The following ARAP2 variants were observed in gnomAD, a reference collection of about 807,000 sequenced individuals.
The protein encoded by ARAP2 is arf-GAP with Rho-GAP domain, ANK repeat and PH domain-containing protein 2.
Under a neutral mutation model 194.5 loss-of-function variants are expected in ARAP2, and 148 were observed. That is an observed-to-expected ratio of 0.76 (90% CI 0.67 to 0.87). ARAP2 has a LOEUF of 0.87. Among genes scored for constraint, ARAP2 ranks in the 40% least tolerant of loss-of-function variants. The probability of loss-of-function intolerance (pLI) is 0.00; values close to 1 mark genes in which losing one functional copy is unlikely to be tolerated. For missense variants in ARAP2, 2,128 were observed against 1,989.7 expected (o/e 1.07, Z -1.32); for synonymous variants, 695 against 683.5 (o/e 1.02, Z -0.26).
chr4:36,059,714 T>C (rs1324036847), intron 1 of ARAP2, among the ~76,000 whole-genome samples: 1 of 152,088 alleles, frequency 6.6e-6, no homozygotes, highest in Non-Finnish European at 1.5e-5. Flanking sequence ...TGTGAGGAAA[T>C]AGGAAAACCA....
At chr4:36,079,697 C>T (rs997965562) in intron 31 of ARAP2, among the ~76,000 whole-genome samples, 1 of 152,136 alleles carries the variant, frequency 6.6e-6, no homozygotes, top group Non-Finnish European at 1.5e-5. Context: ...AACAACCAAA[C>T]ATTTGTTTTA....
At chr4:36,139,440 A>C (rs1387493091) in intron 19 of ARAP2, among the ~76,000 whole-genome samples, 2 of 151,704 alleles carry the variant, frequency 1.3e-5, no homozygotes, top group Non-Finnish European at 3.0e-5. Flanking sequence ...TTTTCCAAAA[A>C]AAGTTAAAAA....
At chr4:36,103,081 C>CT (rs1012862343) in intron 27 of ARAP2, among the ~76,000 whole-genome samples, 19 of 150,670 alleles carry the variant, frequency 1.3e-4, no homozygotes, top group Non-Finnish European at 1.8e-4. Context: ...CTGAAATTGT[C>CT]TTTTTTTTTA....
chr4:36,034,825 T>C (rs1019382841), intron 5 of ARAP2, among the ~76,000 whole-genome samples: 21 of 152,174 alleles, frequency 1.4e-4, no homozygotes, highest in African/African-American at 3.9e-4. Context: ...TCGAAAACCT[T>C]TTCTGCACCT....
intron 8 of ARAP2, among the ~76,000 whole-genome samples, chr4:36,185,046 G>T (rs552243317): frequency 1.3e-5 from 2 of 152,154 alleles, no homozygotes; most frequent in Non-Finnish European, 2.9e-5. Context: ...TGAAAATTCA[G>T]ATAGTAAACA....
Position 36,228,707 on chromosome 4 carries a change from T to C in ARAP2, c.780A>G (p.Pro260=). The change falls in exon 2 of 33, where the codon CCA becomes CCG. Residue 260 remains proline, a synonymous_variant. Transcript: ENST00000303965. The part of the protein sequence containing the change: ...GEMIVNDLYV[P]SSPILAPVRS... ...TCACAGGTGCTAGGATTGGTGATGATGGAACATACAAGTCATTTACAATCA... is the reference window on the plus strand; with the variant it reads ...TCACAGGTGCTAGGATTGGTGATGACGGAACATACAAGTCATTTACAATCA... The C allele has an allele frequency of 1.2e-6, 2 of 1,614,122 alleles. No homozygotes were observed. The highest frequency in any genetic ancestry group is 2.2e-5 in the East Asian group (1 of 44,870).
intron 2 of ARAP2, among the ~76,000 whole-genome samples, chr4:36,223,342 T>C (rs1749563927): frequency 6.6e-6 from 1 of 152,280 alleles, no homozygotes; most frequent in African/African-American, 2.4e-5. Flanking sequence ...TTGTTACTAC[T>C]TTCCCTATGT....
intron 1 of ARAP2, among the ~76,000 whole-genome samples, chr4:36,060,757 T>G (rs1724290950): frequency 6.6e-6 from 1 of 152,184 alleles, no homozygotes; most frequent in African/African-American, 2.4e-5. Flanking sequence ...ACACTCTCCT[T>G]GTTTCCTCAC....
At chr4:36,164,664 G>C (rs1734854415) in intron 11 of ARAP2, among the ~76,000 whole-genome samples, 1 of 152,090 alleles carries the variant, frequency 6.6e-6, no homozygotes, top group African/African-American at 2.4e-5. Flanking sequence ...TTTCAACACT[G>C]TCTTTTTAAA....
chr4:36,177,587 T>C (rs897399719), intron 9 of ARAP2, among the ~76,000 whole-genome samples: 2 of 152,114 alleles, frequency 1.3e-5, no homozygotes, highest in African/African-American at 4.8e-5. Context: ...TTTTCAATAA[T>C]TTTACTTCCT....
chr4:36,151,827 T>C (rs1424393782), intron 15 of ARAP2, among the ~76,000 whole-genome samples: 2 of 152,108 alleles, frequency 1.3e-5, no homozygotes, highest in Non-Finnish European at 2.9e-5. Flanking sequence ...CATAGGCATA[T>C]ATATACACAT....
rs753759927 is a variant in ARAP2, at chr4:36,228,792, C to T, written c.695G>A (p.Gly232Glu). Reference sequence around the variant, plus strand: ...TGATCCTTCTAATAAACCATTTGTTCCATTTCCAGAATTTGTTCCTGATGT... The same window carrying T: ...TGATCCTTCTAATAAACCATTTGTTTCATTTCCAGAATTTGTTCCTGATGT... ...CSTSGTNSGN[G>E]TNGLLEGSPP... Residue 232 changes from glycine (G) to glutamate (E), a missense_variant, in exon 2 of 33, where the codon GGA (glycine) becomes GAA (glutamate). Coordinates refer to ENST00000303965, the MANE Select transcript of ARAP2 (RefSeq NM_015230.4). 3 of 1,613,952 alleles carry T rather than the reference C, an allele frequency of 1.9e-6. No individual in the cohort carries two copies. Among genetic ancestry groups the T allele is most frequent in the Admixed American group, 1.7e-5 (1 of 59,990 alleles).
intron 28 of ARAP2, among the ~76,000 whole-genome samples, chr4:36,090,203 C>T (rs999194877): frequency 1.3e-5 from 2 of 151,944 alleles, no homozygotes; most frequent in Admixed American, 1.3e-4. Context: ...CAGACTAAAC[C>T]AGGAAGAAAC....
At chr4:36,132,294 C>T (rs1725627787) in intron 20 of ARAP2, among the ~76,000 whole-genome samples, 1 of 151,702 alleles carries the variant, frequency 6.6e-6, no homozygotes, top group South Asian at 2.1e-4. Context: ...ACTAATAACA[C>T]AATGCTTTAC....
At chr4:36,172,980 C>A (rs950304072) in intron 9 of ARAP2, among the ~76,000 whole-genome samples, 2 of 152,110 alleles carry the variant, frequency 1.3e-5, no homozygotes, top group Admixed American at 1.3e-4. Context: ...CATGCCAGAA[C>A]ACCAGGGAAC....
chr4:36,014,272 A>G (rs901879994), intron 8 of ARAP2, among the ~76,000 whole-genome samples: 1 of 145,472 alleles, frequency 6.9e-6, no homozygotes, highest in Admixed American at 7.0e-5. Context: ...AAAGAAAGAA[A>G]GAAAGAAAGA....
chr4:36,072,240 G>A (rs975910036), intron 32 of ARAP2, among the ~76,000 whole-genome samples: 1 of 151,930 alleles, frequency 6.6e-6, no homozygotes, highest in Non-Finnish European at 1.5e-5. Context: ...CTTACAAAGA[G>A]CTTGGTTTAT....
intron 32 of ARAP2, among the ~76,000 whole-genome samples, chr4:36,073,433 T>G (rs1391361392): frequency 6.6e-6 from 1 of 152,160 alleles, no homozygotes; most frequent in Non-Finnish European, 1.5e-5. Context: ...TCTATACGCA[T>G]ATTTTAAATT....
At chr4:36,014,354 GAAAGAAAGAAAGAAA>G in intron 8 of ARAP2, among the ~76,000 whole-genome samples, 1 of 139,846 alleles carries the variant, frequency 7.2e-6, no homozygotes, top group Non-Finnish European at 1.5e-5. Flanking sequence ...AAGAAAGAAA[GAAAGAAAGAAAGAAA>G]GAAAGAAAGA....
Sources: allele counts gnomAD v4.1 joint callset (sites outside exome capture counted in the v4.1 genomes callset), GRCh38; gene constraint gnomAD v4.1.1; transcripts MANE v1.5; gene names NCBI Gene and HGNC (gene_info 2026-07-23, HGNC 2026-07-21).